The following ACSL1 variants were observed in gnomAD, a reference collection of about 807,000 sequenced individuals.
ACSL1 encodes the protein long-chain-fatty-acid--CoA ligase 1.
ACSL1 carries 41 observed loss-of-function variants against 98.4 expected under a neutral mutation model. That is an observed-to-expected ratio of 0.42 (90% confidence interval 0.32 to 0.54). The LOEUF (loss-of-function observed/expected upper bound fraction) is 0.54, where lower values mean the gene tolerates loss of function less well. Among genes scored for constraint, ACSL1 ranks in the 20% least tolerant of loss-of-function variants. The pLI is 0.13. For synonymous variants in ACSL1, 316 were observed against 322.7 expected, an observed-to-expected ratio of 0.98 and a Z score of 0.22; for missense variants, 734 against 883.1, an observed-to-expected ratio of 0.83 and a Z score of 2.14.
At chr4:184,786,797 G>A (rs1767451157) in intron 3 of ACSL1, among the ~76,000 whole-genome samples, 2 of 150,612 alleles carry the variant, frequency 1.3e-5, no homozygotes, top group Middle Eastern at 6.9e-3. Context: ...CGGTTCAAGC[G>A]ATTCTCCTGC....
intron 5 of ACSL1, among the ~76,000 whole-genome samples, chr4:184,780,044 G>T (rs1251693172): frequency 6.6e-6 from 1 of 152,080 alleles, no homozygotes; most frequent in Non-Finnish European, 1.5e-5. Flanking sequence ...GGCTAATTTT[G>T]TATTTTTAGT....
intron 1 of ACSL1, among the ~76,000 whole-genome samples, chr4:184,813,349 T>C (rs938730728): frequency 6.6e-6 from 1 of 152,224 alleles, no homozygotes; most frequent in Non-Finnish European, 1.5e-5. Context: ...AGTTTACTGA[T>C]AAGAGCTAGA....
intron 1 of ACSL1, among the ~76,000 whole-genome samples, chr4:184,810,591 A>G (rs1302122750): frequency 2.6e-5 from 4 of 152,160 alleles, no homozygotes; most frequent in Non-Finnish European, 4.4e-5. Context: ...GTCCTTGACA[A>G]ATGAGAATCA....
intron 3 of ACSL1, 198 bp downstream of exon 3, chr4:184,788,419 A>C: frequency 1.5e-6 from 1 of 675,156 alleles, no homozygotes; most frequent in Non-Finnish European, 2.7e-6. Flanking sequence ...TTGACCATGG[A>C]GCCCCCAGGG....
Position 184,773,731 on chromosome 4 carries a change from A to G in ACSL1, c.790-17T>C. On this transcript the variant is annotated splice_polypyrimidine_tract_variant and intron_variant, in intron 8 of 20. Coordinates refer to ENST00000281455, the MANE Select transcript of ACSL1 (RefSeq NM_001995.5). The surrounding 1 kb of genome is among the most constrained non-coding windows in gnomAD (Gnocchi z 4.3). ...TGCTGGAGGCTAAAGATTAAAAAAA[A>G]AAAAAGCTGGTATAAATCAGAACAG... is the stretch of plus-strand genomic sequence containing the variant. The G allele has an allele frequency of 1.2e-6, 2 of 1,602,106 alleles. No individual in the cohort carries two copies. Among genetic ancestry groups the G allele is most frequent in the Non-Finnish European group, 1.7e-6 (2 of 1,176,916 alleles).
At chr4:184,821,008 T>A (rs1485007747) in intron 1 of ACSL1, 1 of 456,228 alleles carries the variant, frequency 2.2e-6, no homozygotes, top group Admixed American at 2.3e-5. Context: ...TATGGGGAAC[T>A]TAATCTTTGC....
At chr4:184,780,121 C>G (rs2150346453) in intron 5 of ACSL1, among the ~76,000 whole-genome samples, 1 of 152,312 alleles carries the variant, frequency 6.6e-6, no homozygotes, top group East Asian at 1.9e-4. Flanking sequence ...ACCCACCCGC[C>G]TTGGCCTCAC....
In ACSL1 at chr4:184,803,302, G is replaced by A; in HGVS notation, c.195+18C>T. The A allele has an allele frequency of 6.5e-7, 1 of 1,541,804 alleles. No individual in the cohort carries two copies. The highest frequency in any genetic ancestry group is 8.8e-7 in the Non-Finnish European group (1 of 1,140,812). ...AATGCGGAGAAAACGCACGAGGCAGGCTGGGCCCTCCACTCACCGCCACTT... is the reference window on the plus strand; with the variant it reads ...AATGCGGAGAAAACGCACGAGGCAGACTGGGCCCTCCACTCACCGCCACTT... On this transcript the variant is annotated intron_variant, in intron 2 of 20. Coordinates refer to ENST00000281455, the MANE Select transcript of ACSL1 (RefSeq NM_001995.5). The surrounding 1 kb of genome is among the most constrained non-coding windows in gnomAD (Gnocchi z 4.8).
intron 2 of ACSL1, among the ~76,000 whole-genome samples, chr4:184,790,789 G>A (rs1032083804): frequency 2.6e-5 from 4 of 152,114 alleles, no homozygotes; most frequent in African/African-American, 9.7e-5. Context: ...TTGTGCACCC[G>A]ATAACATGCT....
At chr4:184,790,569 A>G (rs2150386685) in intron 2 of ACSL1, among the ~76,000 whole-genome samples, 1 of 152,332 alleles carries the variant, frequency 6.6e-6, no homozygotes, top group Admixed American at 6.5e-5. Flanking sequence ...ATGCTTACTA[A>G]CTACAGCACA....
chr4:184,806,428 C>T (rs1424391130), intron 1 of ACSL1, among the ~76,000 whole-genome samples: 1 of 152,200 alleles, frequency 6.6e-6, no homozygotes, highest in Non-Finnish European at 1.5e-5. Context: ...GAAGTACTCA[C>T]CCCGACACAC....
Position 184,756,572 on chromosome 4 carries a change from A to C in ACSL1, c.*553T>G, listed in dbSNP as rs1188165599. On this transcript the variant is annotated 3_prime_UTR_variant, in exon 21 of 21. Coordinates refer to ENST00000281455, the MANE Select transcript of ACSL1 (RefSeq NM_001995.5). ...GAAGAACATGAGTTTCGTAACCCTTACGAATCAGAAGGGTTCTGTGAATGC... is the reference window on the plus strand; with the variant it reads ...GAAGAACATGAGTTTCGTAACCCTTCCGAATCAGAAGGGTTCTGTGAATGC... The C allele has an allele frequency of 6.5e-6, 1 of 152,696 alleles. No individual in the cohort carries two copies. Among genetic ancestry groups the C allele is most frequent in the Admixed American group, 6.5e-5 (1 of 15,284 alleles). 9.5% of individuals were successfully genotyped at this position (152,696 alleles called of 1,614,324 possible). A position where few individuals can be genotyped will look rare whatever the true frequency, so the allele number is the denominator to read the frequency against.
chr4:184,782,803 T>G (rs1215747881), intron 4 of ACSL1, among the ~76,000 whole-genome samples: 2 of 152,192 alleles, frequency 1.3e-5, no homozygotes, highest in East Asian at 3.9e-4. Context: ...CAAAGCCTTC[T>G]GCATCCTGTC....
At chr4:184,792,435 T>C (rs969423107) in intron 2 of ACSL1, among the ~76,000 whole-genome samples, 3 of 150,880 alleles carry the variant, frequency 2.0e-5, no homozygotes, top group African/African-American at 7.3e-5. Context: ...ATTCTAATAA[T>C]GAATTATTTT....
At chr4:184,792,259 A>G (rs537675258) in intron 2 of ACSL1, among the ~76,000 whole-genome samples, 3 of 152,344 alleles carry the variant, frequency 2.0e-5, no homozygotes, top group African/African-American at 7.2e-5. Context: ...ATCTGTCAAA[A>G]GGAGACACTA....
intron 2 of ACSL1, among the ~76,000 whole-genome samples, chr4:184,801,621 A>C (rs1770535998): frequency 6.6e-6 from 1 of 152,172 alleles, no homozygotes; most frequent in South Asian, 2.1e-4. Flanking sequence ...TTAAACTTTT[A>C]ACTTCTTTTT....
chr4:184,792,982 T>A (rs1030424353), intron 2 of ACSL1, among the ~76,000 whole-genome samples: 1 of 152,116 alleles, frequency 6.6e-6, no homozygotes, highest in African/African-American at 2.4e-5. Context: ...AAAAATAGCT[T>A]AAATTTGGCC....
intron 6 of ACSL1, 74 bp downstream of exon 6, chr4:184,776,810 A>C (rs1765361797): frequency 6.5e-7 from 1 of 1,536,050 alleles, no homozygotes; most frequent in African/African-American, 1.4e-5. Flanking sequence ...GTCAAATCAA[A>C]TGTAAGCAAA....
intron 1 of ACSL1, chr4:184,808,705 G>A (rs761550029): frequency 1.9e-4 from 30 of 160,032 alleles, no homozygotes; most frequent in Admixed American, 9.2e-4. Context: ...TGTTGGATTC[G>A]TGCTCCTTAA....
Sources: gnomAD v4.1 joint callset for allele counts (sites outside exome capture counted in the v4.1 genomes callset) on GRCh38, gnomAD v4.1.1 for gene constraint, Gnocchi (gnomAD v3.1) non-coding constraint, MANE v1.5 for transcripts, NCBI Gene and HGNC (gene_info 2026-07-23, HGNC 2026-07-21) for gene names.